The following NHSL1 variants were observed in gnomAD, a reference collection of about 807,000 sequenced individuals.
The protein encoded by NHSL1 is NHS like 1, also known as NHS-like protein 1.
A neutral mutation model predicts 95.0 loss-of-function variants in NHSL1; 48 were observed. That is an observed-to-expected ratio of 0.51 (90% CI 0.40 to 0.64). The LOEUF is 0.64. Among genes scored for constraint, NHSL1 ranks in the 30% least tolerant of loss-of-function variants. The probability of loss-of-function intolerance (pLI) is 0.00; values close to 1 mark genes in which losing one functional copy is unlikely to be tolerated. For missense variants in NHSL1, 1,971 were observed against 2,077.7 expected (o/e 0.95, Z 1.00); for synonymous variants, 783 against 833.9 (o/e 0.94, Z 1.05).
intron 1 of NHSL1, among the ~76,000 whole-genome samples, chr6:138,509,474 AG>A (rs1408439377): frequency 1.3e-5 from 2 of 152,210 alleles, no homozygotes; most frequent in African/African-American, 4.8e-5. Context: ...TATACTCGAA[AG>A]GGATTTTTTA....
At chr6:138,611,910 G>C (rs1460361080) in intron 1 of NHSL1, among the ~76,000 whole-genome samples, 1 of 151,962 alleles carries the variant, frequency 6.6e-6, no homozygotes, top group African/African-American at 2.4e-5. Context: ...AGGAGTTTGA[G>C]ACCAGCCTGG....
intron 2 of NHSL1, among the ~76,000 whole-genome samples, chr6:138,482,251 G>T (rs959621709): frequency 6.6e-6 from 1 of 152,174 alleles, no homozygotes; most frequent in Non-Finnish European, 1.5e-5. Context: ...TTCAAGACCA[G>T]CCTGTTCAAC....
upstream of NHSL1, chr6:138,545,861 G>A: frequency 8.9e-7 from 1 of 1,122,854 alleles, no homozygotes; most frequent in Non-Finnish European, 1.1e-6. Context: ...CATGGAATCA[G>A]CCTGCAATCA....
At chr6:138,583,340 C>T (rs1049122699) in intron 1 of NHSL1, among the ~76,000 whole-genome samples, 1 of 152,196 alleles carries the variant, frequency 6.6e-6, no homozygotes, top group Non-Finnish European at 1.5e-5. Context: ...AATAACTCCA[C>T]TCGCCCAAGG....
At chr6:138,464,305 G>T in intron 3 of NHSL1, 3 of 683,384 alleles carry the variant, frequency 4.4e-6, no homozygotes, top group Non-Finnish European at 7.8e-6. Flanking sequence ...GGGCGGACTG[G>T]GCCCTCAGCG....
rs141809274 is a variant in NHSL1 at position 138,451,763 on chromosome 6, C to T, written c.340-4570G>A. On this transcript the variant is annotated intron_variant, in intron 3 of 7. Transcript: ENST00000343505. ...GCCAGAACTGACCCCAAAGTCTCCC[C>T]TGTGAAACAGTGTAAAATAACAATG... Among the ~76,000 whole-genome samples, 1,159 of 152,274 alleles carry T rather than the reference C, an allele frequency of 7.6e-3. 15 individuals carry two copies. Among genetic ancestry groups the T allele is most frequent in the African/African-American group, 0.027 (1,123 of 41,544 alleles).
intron 1 of NHSL1, among the ~76,000 whole-genome samples, chr6:138,609,007 CA>C (rs1329173909): frequency 6.6e-6 from 1 of 152,060 alleles, no homozygotes; most frequent in African/African-American, 2.4e-5. Context: ...AAATTGCATG[CA>C]AATTTACATG....
At chr6:138,580,121 A>G (rs1299422217) in intron 1 of NHSL1, among the ~76,000 whole-genome samples, 1 of 152,234 alleles carries the variant, frequency 6.6e-6, no homozygotes, top group Non-Finnish European at 1.5e-5. Context: ...AGAAATGCAA[A>G]TACATATATT....
chr6:138,504,833 G>A, intron 1 of NHSL1, among the ~76,000 whole-genome samples: 1 of 152,194 alleles, frequency 6.6e-6, no homozygotes, highest in East Asian at 1.9e-4. Flanking sequence ...TTCATTCTCA[G>A]CTCAGAATAA....
intron 3 of NHSL1, among the ~76,000 whole-genome samples, chr6:138,471,685 C>A (rs1277118012): frequency 6.6e-6 from 1 of 151,902 alleles, no homozygotes; most frequent in African/African-American, 2.4e-5. Context: ...TATTGCACAG[C>A]AGGATGACTA....
chr6:138,584,100 C>T (rs1234719885), intron 1 of NHSL1, among the ~76,000 whole-genome samples: 1 of 152,164 alleles, frequency 6.6e-6, no homozygotes, highest in Non-Finnish European at 1.5e-5. Context: ...GCCTGGGCAA[C>T]AGAGCAAGAT....
At chr6:138,454,111 C>T (rs1458969454) in intron 3 of NHSL1, among the ~76,000 whole-genome samples, 1 of 152,114 alleles carries the variant, frequency 6.6e-6, no homozygotes, top group Non-Finnish European at 1.5e-5. Context: ...CCTCCATGCC[C>T]CATCCCATCT....
chr6:138,617,431 T>C (rs1416442582), intron 1 of NHSL1, among the ~76,000 whole-genome samples: 1 of 152,210 alleles, frequency 6.6e-6, no homozygotes, highest in Non-Finnish European at 1.5e-5. Context: ...AAGGTCAGTT[T>C]CTTTGTCTCA....
chr6:138,574,672 C>CCA (rs1554253950), upstream of NHSL1, among the ~76,000 whole-genome samples: 29 of 80,318 alleles, frequency 3.6e-4, no homozygotes, highest in African/African-American at 1.6e-3. Context: ...ACAAATAATG[C>CCA]AAAAAAAAAA....
rs149299374 is a variant in NHSL1 at position 138,666,240 on chromosome 6, T to C, written c.96+26236A>G. On this transcript the variant is annotated intron_variant, in intron 1 of 3. Transcript: ENST00000491526. ...ATCACTTCAACCCCAGAGGTGGAGGTTGCAGTGAGCCAAGATTGTGCCATT... is the reference window on the plus strand; with the variant it reads ...ATCACTTCAACCCCAGAGGTGGAGGCTGCAGTGAGCCAAGATTGTGCCATT... Among the ~76,000 whole-genome samples, 673 of 151,060 alleles carry C rather than the reference T, an allele frequency of 4.5e-3. 12 individuals carry two copies. The East Asian group carries it at 0.074, about 17-fold the overall frequency.
intron 1 of NHSL1, among the ~76,000 whole-genome samples, chr6:138,530,795 T>C (rs1475570076): frequency 2.0e-5 from 3 of 152,096 alleles, no homozygotes; most frequent in Non-Finnish European, 4.4e-5. Flanking sequence ...TAATGGACTT[T>C]GGGGACTTGG....
chr6:138,515,672 C>T (rs776816521), intron 1 of NHSL1, among the ~76,000 whole-genome samples: 40 of 152,180 alleles, frequency 2.6e-4, no homozygotes, highest in Middle Eastern at 3.4e-3. Flanking sequence ...TTCTATTGGA[C>T]GGAAGAAGAC....
At chr6:138,663,410 T>C (rs1785252316) in intron 1 of NHSL1, among the ~76,000 whole-genome samples, 1 of 148,666 alleles carries the variant, frequency 6.7e-6, no homozygotes, top group South Asian at 2.1e-4. Flanking sequence ...AAAACACAAA[T>C]TAGCCAGGCA....
intron 1 of NHSL1, chr6:138,650,277 T>C (rs1021706938): frequency 1.5e-6 from 1 of 663,824 alleles, no homozygotes. Flanking sequence ...GCTGGAGCCT[T>C]GGAAGAGCTG....
Sources: gnomAD v4.1 joint callset for allele counts (sites outside exome capture counted in the v4.1 genomes callset) on GRCh38, gnomAD v4.1.1 for gene constraint, MANE v1.5 for transcripts, NCBI Gene and HGNC (gene_info 2026-07-23, HGNC 2026-07-21) for gene names.